Variants in LMO7 observed in about 807,000 individuals in gnomAD.
LMO7 encodes LIM domain 7, also known as LIM domain only protein 7.
In LMO7, 120 loss-of-function variants were observed where a neutral mutation model predicts 206.5. The ratio of observed to expected loss-of-function variants is 0.58; its 90% CI spans 0.50 to 0.68. The LOEUF is 0.68. Ranked by LOEUF, LMO7 falls within the 30% of genes least tolerant of loss-of-function variation. The pLI, the probability that LMO7 is intolerant of heterozygous loss-of-function variation, is 0.00. For missense variants in LMO7, 1,959 were observed against 1,957.9 expected (o/e 1.00, Z -0.01); for synonymous variants, 706 against 681.5 (o/e 1.04, Z -0.56).
At chr13:75,848,892 C>A (rs1403620280) in intron 26 of LMO7, 187 bp from the exon 27 acceptor site, 2 of 557,548 alleles carry the variant, frequency 3.6e-6, no homozygotes, top group East Asian at 6.0e-5. Context: ...AGGAGTGCTC[C>A]CTTTTCCCTG....
chr13:75,751,272 TG>T (rs1399982299), intron 3 of LMO7, among the ~76,000 whole-genome samples: 1 of 144,240 alleles, frequency 6.9e-6, no homozygotes, highest in Non-Finnish European at 1.5e-5. Flanking sequence ...ACCATTCTCC[TG>T]CCTCAGCCTC....
chr13:75,726,262 A>C (rs987761420), intron 2 of LMO7, among the ~76,000 whole-genome samples: 2 of 152,058 alleles, frequency 1.3e-5, no homozygotes, highest in Admixed American at 1.3e-4. Context: ...CAAATCAAGA[A>C]AAAAGAATTC....
rs535079978 is a variant in LMO7, at chr13:75,806,179, C to A, written c.1196+419C>A. On this transcript the variant is annotated intron_variant, in intron 9 of 30. Coordinates refer to ENST00000377534, the MANE Select transcript of LMO7 (RefSeq NM_001306080.2). ...CAACTGCCAAAGACCTTCACTCTTG[C>A]TGGAATTAGCTACCAAACGGGCTGT... The A allele has an allele frequency of 5.1e-5, 51 of 993,526 alleles. No individual in the cohort carries two copies. The African/African-American group carries it at 8.7e-4, about 17-fold the overall frequency. 61.5% of individuals were successfully genotyped at this position (993,526 alleles called of 1,614,324 possible). A position where few individuals can be genotyped will look rare whatever the true frequency, so the allele number is the denominator to read the frequency against.
chr13:75,817,468 C>A (rs1308044988), intron 12 of LMO7, among the ~76,000 whole-genome samples, 190 bp downstream of exon 12: 2 of 151,868 alleles, frequency 1.3e-5, no homozygotes, highest in African/African-American at 4.8e-5. Context: ...ATTTTAAAGG[C>A]CATTGTGAAA....
At chr13:75,687,696 C>G (rs1316656907) in intron 1 of LMO7, among the ~76,000 whole-genome samples, 1 of 151,974 alleles carries the variant, frequency 6.6e-6, no homozygotes, top group Non-Finnish European at 1.5e-5. Context: ...TCTACTGTCT[C>G]CCACTAAAGA....
At chr13:75,621,525 C>T (rs2033311801) in exon 1 of LMO7, 1 of 387,140 alleles carries the variant, frequency 2.6e-6, no homozygotes, top group East Asian at 3.8e-5. Context: ...CTAAATCACC[C>T]TGAGCAATTA....
chr13:75,689,296 T>C (rs930075669), intron 1 of LMO7: 3 of 152,220 alleles, frequency 2.0e-5, no homozygotes, highest in Non-Finnish European at 4.4e-5. Flanking sequence ...GACTGAGTTT[T>C]AACTCCAATC....
chr13:75,774,344 CTT>C (rs986711366), intron 4 of LMO7, among the ~76,000 whole-genome samples: 1 of 152,048 alleles, frequency 6.6e-6, no homozygotes, highest in African/African-American at 2.4e-5. Context: ...AATTTGCCTA[CTT>C]TTTTGAAATT....
At chr13:75,690,872 A>G (rs916102654) in intron 1 of LMO7, among the ~76,000 whole-genome samples, 4 of 152,214 alleles carry the variant, frequency 2.6e-5, no homozygotes, top group African/African-American at 7.2e-5. Flanking sequence ...AAGGATGAAC[A>G]ATAGTTTCCA....
Position 75,636,628 on chromosome 13 carries a change from G to T in LMO7, c.-30G>T. The stretch of plus-strand genomic sequence containing the variant: ...ACAACCCCTCCCCTCCACGCATCCC[G>T]AGTCTCTCTCTCCCTCCCTTGTCCT... On this transcript the variant is annotated 5_prime_UTR_variant, in exon 1 of 31. Coordinates refer to ENST00000377534, the MANE Select transcript of LMO7 (RefSeq NM_001306080.2). 3 of 1,563,560 alleles carry T rather than the reference G, an allele frequency of 1.9e-6. No homozygotes were observed. The highest frequency in any genetic ancestry group is 2.6e-6 in the Non-Finnish European group (3 of 1,154,684).
intron 4 of LMO7, among the ~76,000 whole-genome samples, chr13:75,791,256 G>A (rs146449629): frequency 2.0e-4 from 30 of 152,106 alleles, no homozygotes; most frequent in African/African-American, 7.0e-4. Context: ...TTTTTGGAGG[G>A]ATTATTGATT....
Position 75,821,319 on chromosome 13 carries a change from G to A in LMO7, c.2350G>A (p.Ala784Thr). 2 of 1,614,126 alleles carry A rather than the reference G, an allele frequency of 1.2e-6. No homozygotes were observed. The highest frequency in any genetic ancestry group is 1.7e-6 in the Non-Finnish European group (2 of 1,179,994). Reference sequence around the variant, plus strand: ...GAGTGAGAGAGTAGAAGAGAAGGGAGCAACTTATCCTTCAGAAATTCCCAA... The same window carrying A: ...GAGTGAGAGAGTAGAAGAGAAGGGAACAACTTATCCTTCAGAAATTCCCAA... ...YQSERVEEKGATYPSEIPKED... is the reference protein window; with the variant it reads ...YQSERVEEKGTTYPSEIPKED... The change falls in exon 14 of 31, where the codon GCA (alanine) becomes ACA (threonine). Residue 784 changes from alanine to threonine, a missense_variant. Coordinates refer to ENST00000377534, the MANE Select transcript of LMO7 (RefSeq NM_001306080.2).
chr13:75,729,023 A>G (rs528673813), intron 3 of LMO7, among the ~76,000 whole-genome samples: 1 of 152,250 alleles, frequency 6.6e-6, no homozygotes, highest in East Asian at 1.9e-4. Flanking sequence ...GTTTTGAGTT[A>G]CTATAGCCTT....
At chr13:75,677,833 C>T (rs1328545493) in intron 1 of LMO7, among the ~76,000 whole-genome samples, 14 of 141,108 alleles carry the variant, frequency 9.9e-5, no homozygotes, top group African/African-American at 3.7e-4. Flanking sequence ...TGATGTTCCC[C>T]TTCTTGTGTC....
intron 1 of LMO7, among the ~76,000 whole-genome samples, chr13:75,650,966 G>A (rs896796431): frequency 6.6e-6 from 1 of 152,130 alleles, no homozygotes; most frequent in Admixed American, 6.5e-5. Flanking sequence ...GAAAAGAAAA[G>A]CTTTTATAGT....
chr13:75,795,777 A>G (rs958483727), intron 5 of LMO7, among the ~76,000 whole-genome samples: 1 of 152,170 alleles, frequency 6.6e-6, no homozygotes, highest in Non-Finnish European at 1.5e-5. Context: ...ATGAGAACGC[A>G]TGGACACAGG....
chr13:75,852,779 G>T (rs1004105034), intron 27 of LMO7, among the ~76,000 whole-genome samples: 2 of 152,168 alleles, frequency 1.3e-5, no homozygotes, highest in African/African-American at 4.8e-5. Context: ...TGTGTTGCTT[G>T]ATTTTGCCCA....
intron 1 of LMO7, among the ~76,000 whole-genome samples, chr13:75,680,889 G>C (rs1300004017): frequency 6.6e-6 from 1 of 151,954 alleles, no homozygotes; most frequent in African/African-American, 2.4e-5. Context: ...ATCTCATTGT[G>C]GTTTTGATTC....
At chr13:75,813,056 G>A in intron 11 of LMO7, among the ~76,000 whole-genome samples, 1 of 152,222 alleles carries the variant, frequency 6.6e-6, no homozygotes, top group East Asian at 1.9e-4. Flanking sequence ...CTTGTGAGTG[G>A]TAGAACCAGA....
Sources: gnomAD v4.1 joint callset for allele counts (sites outside exome capture counted in the v4.1 genomes callset) on GRCh38, gnomAD v4.1.1 for gene constraint, MANE v1.5 for transcripts, NCBI Gene and HGNC (gene_info 2026-07-23, HGNC 2026-07-21) for gene names.